The following CNTNAP2 variants were observed in gnomAD, a reference collection of about 807,000 sequenced individuals.
The protein encoded by CNTNAP2 is contactin associated protein 2, also known as contactin-associated protein-like 2.
A neutral mutation model predicts 155.2 loss-of-function variants in CNTNAP2; 98 were observed. The observed-to-expected ratio is 0.63, with a 90% CI of 0.54 to 0.75. CNTNAP2 has a LOEUF of 0.75. Ranked by LOEUF, CNTNAP2 falls within the 30% of genes least tolerant of loss-of-function variation. CNTNAP2 has a pLI of 0.00. For missense variants in CNTNAP2, 1,727 were observed against 1,688.1 expected (o/e 1.02, Z -0.40); for synonymous variants, 651 against 631.2 (o/e 1.03, Z -0.47).
intron 13 of CNTNAP2, among the ~76,000 whole-genome samples, chr7:147,764,739 C>T (rs977062679): frequency 1.3e-5 from 2 of 152,092 alleles, no homozygotes; most frequent in Admixed American, 1.3e-4. Context: ...GCTGAAATAG[C>T]CCAAGAGTAA....
At chr7:147,553,991 G>A (rs900816580) in intron 11 of CNTNAP2, among the ~76,000 whole-genome samples, 2 of 152,108 alleles carry the variant, frequency 1.3e-5, no homozygotes, top group African/African-American at 4.8e-5. Flanking sequence ...AAATGAGAGA[G>A]AGAAGGTTAG....
chr7:146,842,049 A>AT (rs10712275), intron 3 of CNTNAP2, among the ~76,000 whole-genome samples: 1 of 151,588 alleles, frequency 6.6e-6, no homozygotes, highest in Non-Finnish European at 1.5e-5. Context: ...TGCCTGGCTA[A>AT]TTTTTTTTTG....
At chr7:147,734,983 A>AT (rs144986879) in intron 13 of CNTNAP2, among the ~76,000 whole-genome samples, 100,074 of 148,560 alleles carry the variant, frequency 0.67, 33,926 homozygotes, top group East Asian at 0.89. Flanking sequence ...GGATTCATTG[A>AT]TTTTTTTTTT....
chr7:146,151,662 A>ATATATATATATATATATG (rs1798046364), intron 1 of CNTNAP2, among the ~76,000 whole-genome samples: 2 of 43,702 alleles, frequency 4.6e-5, no homozygotes, highest in Non-Finnish European at 9.1e-5. Flanking sequence ...ATATATATAT[A>ATATATATATATATATATG]TATATATATA....
chr7:146,427,958 A>G (rs1796116627), intron 1 of CNTNAP2, among the ~76,000 whole-genome samples: 1 of 152,126 alleles, frequency 6.6e-6, no homozygotes, highest in African/African-American at 2.4e-5. Flanking sequence ...TGTTGTCATC[A>G]TTCAGCTCCC....
intron 1 of CNTNAP2, among the ~76,000 whole-genome samples, chr7:146,419,024 A>G (rs545865525): frequency 2.6e-5 from 4 of 152,050 alleles, no homozygotes; most frequent in Non-Finnish European, 4.4e-5. Context: ...CCATTTTCAC[A>G]CTGCTGATAA....
intron 9 of CNTNAP2, among the ~76,000 whole-genome samples, chr7:147,331,311 G>A (rs576664100): frequency 3.4e-4 from 52 of 152,250 alleles, no homozygotes; most frequent in African/African-American, 1.3e-3. Context: ...TAGTAGAACG[G>A]TTCTATCACT....
intron 12 of CNTNAP2, among the ~76,000 whole-genome samples, chr7:147,611,565 T>C (rs1801186777): frequency 1.3e-5 from 2 of 152,244 alleles, no homozygotes; most frequent in Admixed American, 1.3e-4. Context: ...AAATTGTTCT[T>C]CATGTGGGTG....
At chr7:147,721,830 A>G (rs1300309614) in intron 13 of CNTNAP2, among the ~76,000 whole-genome samples, 1 of 152,122 alleles carries the variant, frequency 6.6e-6, no homozygotes, top group Non-Finnish European at 1.5e-5. Context: ...CCTACTCTCA[A>G]CTGCTGTAAT....
chr7:146,427,425 G>T (rs1796109378), intron 1 of CNTNAP2, among the ~76,000 whole-genome samples: 1 of 152,188 alleles, frequency 6.6e-6, no homozygotes, highest in Non-Finnish European at 1.5e-5. Context: ...GCTTTATTAT[G>T]AATGCTAAAA....
At chr7:146,412,991 A>G (rs1795887860) in intron 1 of CNTNAP2, among the ~76,000 whole-genome samples, 1 of 152,180 alleles carries the variant, frequency 6.6e-6, no homozygotes, top group African/African-American at 2.4e-5. Flanking sequence ...CCTCAGTTAG[A>G]GTAGACCACA....
At chr7:146,504,015 A>G (rs1483522578) in intron 1 of CNTNAP2, among the ~76,000 whole-genome samples, 1 of 152,232 alleles carries the variant, frequency 6.6e-6, no homozygotes, top group Non-Finnish European at 1.5e-5. Context: ...TCACACAAAC[A>G]GGTTACATTA....
chr7:147,353,382 G>C (rs1377650791), intron 9 of CNTNAP2, among the ~76,000 whole-genome samples: 1 of 151,892 alleles, frequency 6.6e-6, no homozygotes, highest in Non-Finnish European at 1.5e-5. Context: ...TCACTTATGA[G>C]TGAGAACATG....
intron 15 of CNTNAP2, among the ~76,000 whole-genome samples, chr7:148,057,622 A>C (rs1221820798): frequency 1.3e-5 from 2 of 152,214 alleles, no homozygotes; most frequent in Non-Finnish European, 2.9e-5. Context: ...AACTATTTAG[A>C]ATTGTGAATA....
At chr7:148,122,432 G>A (rs115439805) in intron 16 of CNTNAP2, among the ~76,000 whole-genome samples, 2,851 of 152,232 alleles carry the variant, frequency 0.019, 93 homozygotes, top group African/African-American at 0.065. Flanking sequence ...GAAGAAGTGG[G>A]GGAAGAACAG....
At chr7:147,304,402 A>C (rs1217564416) in intron 9 of CNTNAP2, among the ~76,000 whole-genome samples, 1 of 152,218 alleles carries the variant, frequency 6.6e-6, no homozygotes, top group Non-Finnish European at 1.5e-5. Flanking sequence ...TTGACTGTTT[A>C]CGTGGTAATA....
intron 1 of CNTNAP2, among the ~76,000 whole-genome samples, chr7:146,246,529 G>T (rs1089602): frequency 1.3e-5 from 2 of 149,242 alleles, no homozygotes; most frequent in Admixed American, 1.3e-4. Flanking sequence ...ATGTGGAGTG[G>T]GTAGCCTCAG....
intron 3 of CNTNAP2, among the ~76,000 whole-genome samples, chr7:146,867,035 G>A (rs181380181): frequency 7.4e-4 from 112 of 151,978 alleles, no homozygotes; most frequent in Middle Eastern, 3.4e-3. Flanking sequence ...TTTACTTTAG[G>A]TTTGGTGGGT....
chr7:147,083,942 A>G (rs955551198), intron 4 of CNTNAP2, among the ~76,000 whole-genome samples: 3 of 95,004 alleles, frequency 3.2e-5, no homozygotes, highest in Non-Finnish European at 7.0e-5. Context: ...TGTATATATT[A>G]TATAGCATTA....
Sources: allele counts gnomAD v4.1 joint callset (sites outside exome capture counted in the v4.1 genomes callset), GRCh38; gene constraint gnomAD v4.1.1; transcripts MANE v1.5; gene names NCBI Gene and HGNC (gene_info 2026-07-23, HGNC 2026-07-21).